The following FMNL2 variants were observed in gnomAD, a reference collection of about 807,000 sequenced individuals.
FMNL2 encodes formin like 2.
In FMNL2, 51 loss-of-function variants were observed where a neutral mutation model predicts 130.2. That is an observed-to-expected ratio of 0.39 (90% CI 0.31 to 0.49). The LOEUF is 0.49. Ranked by LOEUF, FMNL2 falls within the 20% of genes least tolerant of loss-of-function variation. The pLI, the probability that FMNL2 is intolerant of heterozygous loss-of-function variation, is 0.85. For synonymous variants in FMNL2, 465 were observed against 467.1 expected (o/e 1.00, Z 0.06); for missense variants, 977 against 1,316.2 (o/e 0.74, Z 3.99).
At chr2:152,630,246 C>T (rs890314829) in intron 20 of FMNL2, among the ~76,000 whole-genome samples, 3 of 152,058 alleles carry the variant, frequency 2.0e-5, no homozygotes, top group African/African-American at 4.8e-5. Context: ...ATTCTTCCAC[C>T]GTTAGCATAC....
At chr2:152,473,409 A>G (rs1278883717) in intron 1 of FMNL2, among the ~76,000 whole-genome samples, 1 of 152,138 alleles carries the variant, frequency 6.6e-6, no homozygotes, top group Non-Finnish European at 1.5e-5. Context: ...GTGTTGTGGG[A>G]GAGACAAACA....
At chr2:152,339,138 A>G in intron 1 of FMNL2, among the ~76,000 whole-genome samples, 1 of 152,214 alleles carries the variant, frequency 6.6e-6, no homozygotes, top group East Asian at 1.9e-4. Context: ...TGTGGGCCTC[A>G]TGGGCCCAAC....
chr2:152,517,076 C>T (rs1692814722), intron 1 of FMNL2, among the ~76,000 whole-genome samples: 1 of 152,098 alleles, frequency 6.6e-6, no homozygotes, highest in Admixed American at 6.6e-5. Context: ...GGCACTGAAA[C>T]AAAGTTCAGA....
chr2:152,464,538 G>GT (rs1338146716), intron 1 of FMNL2, among the ~76,000 whole-genome samples: 2 of 152,158 alleles, frequency 1.3e-5, no homozygotes, highest in African/African-American at 4.8e-5. Flanking sequence ...CAGAGTACAC[G>GT]TTCAAGATGT....
At chr2:152,355,515 C>G (rs1682733100) in intron 1 of FMNL2, among the ~76,000 whole-genome samples, 1 of 152,130 alleles carries the variant, frequency 6.6e-6, no homozygotes, top group Admixed American at 6.6e-5. Flanking sequence ...AGTGACTAAG[C>G]TTGCTTTTGG....
chr2:152,594,450 C>T (rs937707041), intron 9 of FMNL2, among the ~76,000 whole-genome samples: 2 of 152,298 alleles, frequency 1.3e-5, no homozygotes, highest in East Asian at 3.9e-4. Flanking sequence ...TTGTGACTTC[C>T]GGCCTAAGTT....
At chr2:152,608,111 A>G (rs1314701287) in intron 10 of FMNL2, among the ~76,000 whole-genome samples, 2 of 152,158 alleles carry the variant, frequency 1.3e-5, no homozygotes, top group African/African-American at 4.8e-5. Context: ...TTTCTCCAGA[A>G]GTTTTACGCT....
chr2:152,490,078 A>G (rs1691059488), intron 1 of FMNL2, among the ~76,000 whole-genome samples: 1 of 152,182 alleles, frequency 6.6e-6, no homozygotes, highest in African/African-American at 2.4e-5. Context: ...TAATATAGAA[A>G]AACAGATGCT....
At chr2:152,576,779 C>A (rs916630890) in intron 7 of FMNL2, among the ~76,000 whole-genome samples, 2 of 152,040 alleles carry the variant, frequency 1.3e-5, no homozygotes, top group African/African-American at 4.8e-5. Context: ...GAAGAAGGTT[C>A]TAGGCAGAGA....
chr2:152,515,833 A>C (rs963287767), intron 1 of FMNL2, among the ~76,000 whole-genome samples: 2 of 152,198 alleles, frequency 1.3e-5, no homozygotes, highest in African/African-American at 4.8e-5. Context: ...AATAAATGGT[A>C]CATCTTGTTG....
intron 1 of FMNL2, among the ~76,000 whole-genome samples, chr2:152,346,632 C>A (rs1682139317): frequency 1.3e-5 from 2 of 151,980 alleles, no homozygotes; most frequent in African/African-American, 4.8e-5. Context: ...GTACTACGGC[C>A]TGGGTGACAA....
chr2:152,474,281 C>T (rs1690020645), intron 1 of FMNL2, among the ~76,000 whole-genome samples: 2 of 152,218 alleles, frequency 1.3e-5, no homozygotes, highest in South Asian at 4.1e-4. Flanking sequence ...AAGCCACTAG[C>T]TCTGTGATTT....
chr2:152,491,742 G>A (rs1369798300), intron 1 of FMNL2, among the ~76,000 whole-genome samples: 1 of 152,176 alleles, frequency 6.6e-6, no homozygotes, highest in Admixed American at 6.5e-5. Flanking sequence ...CTTAAGGTCA[G>A]GAGTTTGAGG....
chr2:152,393,859 A>G (rs1169901221), intron 1 of FMNL2, among the ~76,000 whole-genome samples: 1 of 152,210 alleles, frequency 6.6e-6, no homozygotes, highest in Non-Finnish European at 1.5e-5. Flanking sequence ...TAGGCAACTA[A>G]TGAGGATGGC....
At chr2:152,369,335 A>G (rs1683742374) in intron 1 of FMNL2, among the ~76,000 whole-genome samples, 1 of 152,234 alleles carries the variant, frequency 6.6e-6, no homozygotes, top group African/African-American at 2.4e-5. Context: ...AATGAGCCCA[A>G]AAGGTTTCTT....
intron 1 of FMNL2, among the ~76,000 whole-genome samples, chr2:152,484,832 A>G (rs1690729398): frequency 1.3e-5 from 2 of 152,172 alleles, no homozygotes; most frequent in African/African-American, 4.8e-5. Context: ...TACAGAAGAG[A>G]TGAACTTTGC....
At chr2:152,404,234 A>T (rs924585041) in intron 1 of FMNL2, among the ~76,000 whole-genome samples, 1 of 152,182 alleles carries the variant, frequency 6.6e-6, no homozygotes, top group Non-Finnish European at 1.5e-5. Flanking sequence ...AATGAATGTA[A>T]CTGTTACTAC....
intron 6 of FMNL2, among the ~76,000 whole-genome samples, chr2:152,565,204 G>A (rs6724909): frequency 0.16 from 23,651 of 152,148 alleles, 2,165 homozygotes; most frequent in Non-Finnish European, 0.21. Flanking sequence ...ATTAACTCGA[G>A]TAAGAAATGA....
At chr2:152,359,871 C>T (rs1457603244) in intron 1 of FMNL2, among the ~76,000 whole-genome samples, 4 of 152,124 alleles carry the variant, frequency 2.6e-5, no homozygotes, top group Non-Finnish European at 5.9e-5. Flanking sequence ...AACAATCCTA[C>T]GGTATTTAGT....
Sources: allele counts gnomAD v4.1 joint callset (sites outside exome capture counted in the v4.1 genomes callset), GRCh38; gene constraint gnomAD v4.1.1; transcripts MANE v1.5; gene names NCBI Gene and HGNC (gene_info 2026-07-23, HGNC 2026-07-21).